The following NAMPT variants were observed in gnomAD, a reference collection of about 807,000 sequenced individuals.
NAMPT encodes NAmPRTase.
NAMPT carries 7 observed loss-of-function variants against 58.7 expected under a neutral mutation model. The observed-to-expected ratio is 0.12, with a 90% CI of 0.07 to 0.22. NAMPT has a LOEUF of 0.22. NAMPT is among the 10% of genes least tolerant of loss of function. The pLI, the probability that NAMPT is intolerant of heterozygous loss-of-function variation, is 1.00. For synonymous variants in NAMPT, 145 were observed against 198.1 expected, an observed-to-expected ratio of 0.73 and a Z score of 2.25; for missense variants, 271 against 567.9, an observed-to-expected ratio of 0.48 and a Z score of 5.31.
intron 1 of NAMPT, among the ~76,000 whole-genome samples, chr7:106,282,983 A>G (rs1358391451): frequency 6.6e-6 from 1 of 152,208 alleles, no homozygotes; most frequent in Non-Finnish European, 1.5e-5. Flanking sequence ...AAGGACCCCT[A>G]AAAACATAAG....
chr7:106,273,942 C>T (rs553637774), intron 3 of NAMPT, among the ~76,000 whole-genome samples: 12 of 151,766 alleles, frequency 7.9e-5, no homozygotes, highest in African/African-American at 1.9e-4. Context: ...AAGAAACTTT[C>T]GTTTGTGAGA....
intron 4 of NAMPT, 29 bp downstream of exon 4, chr7:106,272,501 G>A (rs1334416168): frequency 6.4e-7 from 1 of 1,572,716 alleles, no homozygotes; most frequent in African/African-American, 1.4e-5. Context: ...TTCAATTAAT[G>A]TTAAATAAGA....
Position 106,272,521 on chromosome 7 carries a change from A to G in NAMPT, c.447+9T>C, listed in dbSNP as rs1562817469. The G allele has an allele frequency of 1.9e-6, 3 of 1,601,510 alleles. No individual in the cohort carries two copies. Among genetic ancestry groups the G allele is most frequent in the South Asian group, 2.2e-5 (2 of 89,158 alleles). On this transcript the variant is annotated intron_variant, in intron 4 of 10. Transcript: ENST00000222553. ...TTAATGTTAAATAAGAATTAAAAAA[A>G]CAATTTACCTCAATCCAATTTGTAA...
chr7:106,267,864 A>AAC (rs1792452904), intron 6 of NAMPT, among the ~76,000 whole-genome samples: 3 of 135,306 alleles, frequency 2.2e-5, no homozygotes, highest in African/African-American at 8.5e-5. Context: ...AAAAAAAAAA[A>AAC]AAAAAAAAAA....
chr7:106,284,234 C>G (rs1304647322), intron 1 of NAMPT: 1 of 152,148 alleles, frequency 6.6e-6, no homozygotes, highest in Non-Finnish European at 1.5e-5. Flanking sequence ...ACAGGGGAAT[C>G]CACTACGGCT....
chr7:106,254,793 G>A (rs1344873832), intron 8 of NAMPT, among the ~76,000 whole-genome samples: 3 of 152,140 alleles, frequency 2.0e-5, no homozygotes, highest in Non-Finnish European at 4.4e-5. Flanking sequence ...GAAAAAACTA[G>A]CTATAAATAT....
intron 2 of NAMPT, chr7:106,276,488 C>CTAAAG (rs1221195355): frequency 1.3e-5 from 2 of 152,616 alleles, no homozygotes; most frequent in African/African-American, 4.8e-5. Context: ...GAATTAATGA[C>CTAAAG]TAAAGTATAA....
At chr7:106,285,106 T>TG, upstream of NAMPT, 2 of 1,340,632 alleles carry the variant, frequency 1.5e-6, no homozygotes. Context: ...GCTCGCAGTC[T>TG]GGGAGCTCTG....
At chr7:106,271,232 C>A (rs1792527616) in intron 4 of NAMPT, among the ~76,000 whole-genome samples, 1 of 152,118 alleles carries the variant, frequency 6.6e-6, no homozygotes, top group Non-Finnish European at 1.5e-5. Context: ...ATACATTTTT[C>A]ACTTTTATGC....
chr7:106,266,035 T>C (rs1037690298), intron 6 of NAMPT, among the ~76,000 whole-genome samples: 1 of 152,172 alleles, frequency 6.6e-6, no homozygotes, highest in African/African-American at 2.4e-5. Context: ...TAGCTCCTCC[T>C]TTTGTTTGGT....
intron 3 of NAMPT, among the ~76,000 whole-genome samples, chr7:106,273,944 T>C (rs1205354648): frequency 6.6e-6 from 1 of 151,946 alleles, no homozygotes; most frequent in African/African-American, 2.4e-5. Flanking sequence ...GAAACTTTCG[T>C]TTGTGAGACT....
intron 4 of NAMPT, among the ~76,000 whole-genome samples, chr7:106,271,317 A>G (rs1792528984): frequency 6.6e-6 from 1 of 152,096 alleles, no homozygotes; most frequent in Admixed American, 6.5e-5. Flanking sequence ...TCCTTATTAA[A>G]AGCTTATTTA....
At chr7:106,285,481 G>A (rs145311312), upstream of NAMPT, 226 of 937,446 alleles carry the variant, frequency 2.4e-4, no homozygotes, top group African/African-American at 3.7e-3. Context: ...ACGCCACCCG[G>A]CTAGGGGGCG....
upstream of NAMPT, chr7:106,285,179 C>A: frequency 8.2e-7 from 1 of 1,223,000 alleles, no homozygotes. Flanking sequence ...CGAGAAAGGG[C>A]GGGGCGCGGC....
intron 1 of NAMPT, among the ~76,000 whole-genome samples, chr7:106,279,429 G>GGT (rs1554353917): frequency 1.3e-5 from 2 of 151,686 alleles, no homozygotes; most frequent in African/African-American, 2.4e-5. Flanking sequence ...CTACTTATAG[G>GGT]GGTATATGTA....
At chr7:106,276,285 A>G (rs1419855615) in intron 2 of NAMPT, 1 of 152,208 alleles carries the variant, frequency 6.6e-6, no homozygotes, top group Admixed American at 6.5e-5. Context: ...TTTTCCCCCT[A>G]GAAATGGCCT....
chr7:106,250,794 T>C lies in NAMPT; in HGVS notation c.*289A>G. On this transcript the variant is annotated 3_prime_UTR_variant, in exon 11 of 11. Transcript: ENST00000222553. ...GTTTTATGTGATCATCAGTTATATATAAAAGTTTCTCAGTTCTGTTATTTG... is the reference window on the plus strand; with the variant it reads ...GTTTTATGTGATCATCAGTTATATACAAAAGTTTCTCAGTTCTGTTATTTG... 3.1e-6 allele frequency: 1 copy of C among 317,658 alleles called. No homozygotes were observed. The highest frequency in any genetic ancestry group is 5.8e-6 in the Non-Finnish European group (1 of 173,884). The allele number at this position is 317,658 out of a possible 1,614,324, so 19.7% of individuals were successfully genotyped here. A position where few individuals can be genotyped will look rare whatever the true frequency, so the allele number is the denominator to read the frequency against.
At chr7:106,263,244 A>C (rs1792343729) in intron 7 of NAMPT, 148 bp downstream of exon 7, 1 of 634,368 alleles carries the variant, frequency 1.6e-6, no homozygotes, top group East Asian at 2.7e-5. Context: ...ACCTCAGGCA[A>C]ATCTATTACT....
At position 106,263,575 on chromosome 7, in the gene NAMPT, A is replaced by G. The variant is rs768441121; in HGVS notation, c.786T>C (p.Phe262=). The G allele has an allele frequency of 5.6e-6, 9 of 1,613,410 alleles. No individual in the cohort carries two copies. The Admixed American group carries it at 1.2e-4, about 21-fold the overall frequency. The change falls in exon 7 of 11, where the codon TTT becomes TTC. Residue 262 remains phenylalanine, a synonymous_variant. Coordinates refer to ENST00000222553, the MANE Select transcript of NAMPT (RefSeq NM_005746.3). The part of the protein sequence containing the change: ...AWGKDHEKDA[F]EHIVTQFSSV... ...ATGAAAACTGTGTTACAATATGTTC[A>G]AAAGCATCTTTTTCATGGTCTTTCC...
Sources: gnomAD v4.1 joint callset for allele counts (sites outside exome capture counted in the v4.1 genomes callset) on GRCh38, gnomAD v4.1.1 for gene constraint, MANE v1.5 for transcripts, NCBI Gene and HGNC (gene_info 2026-07-23, HGNC 2026-07-21) for gene names.